Variants in MAGI3 observed in about 807,000 individuals in gnomAD.
MAGI3 encodes the protein membrane associated guanylate kinase, WW and PDZ domain containing 3.
In MAGI3, 43 loss-of-function variants were observed where a neutral mutation model predicts 121.8. The ratio of observed to expected loss-of-function variants is 0.35; its 90% CI spans 0.28 to 0.46. MAGI3 has a LOEUF of 0.46. MAGI3 is among the 20% of genes least tolerant of loss of function. MAGI3 has a pLI of 1.00. For synonymous variants in MAGI3, 553 were observed against 639.3 expected (o/e 0.86, Z 2.04); for missense variants, 1,547 against 1,797.3 (o/e 0.86, Z 2.52).
chr1:113,507,736 A>G (rs1049702039), intron 1 of MAGI3, among the ~76,000 whole-genome samples: 2 of 152,216 alleles, frequency 1.3e-5, no homozygotes, highest in African/African-American at 4.8e-5. Context: ...TGCTTAGTGA[A>G]TGTTTACTGA....
chr1:113,415,766 CTTT>C (rs942196152), intron 1 of MAGI3, among the ~76,000 whole-genome samples: 2 of 152,062 alleles, frequency 1.3e-5, no homozygotes, highest in African/African-American at 2.4e-5. Context: ...CTTTGTACTT[CTTT>C]TTAAGCTTCA....
chr1:113,432,853 C>T (rs1346055745), intron 1 of MAGI3, among the ~76,000 whole-genome samples: 3 of 152,020 alleles, frequency 2.0e-5, no homozygotes, highest in Non-Finnish European at 4.4e-5. Flanking sequence ...GTTTCTGTTG[C>T]TCCACATCCT....
intron 6 of MAGI3, among the ~76,000 whole-genome samples, chr1:113,601,798 A>C (rs1200934234): frequency 6.9e-6 from 1 of 144,584 alleles, no homozygotes; most frequent in East Asian, 2.0e-4. Flanking sequence ...CACTATTCAC[A>C]ATAGCAAAGA....
At chr1:113,469,594 A>T (rs1655448492) in intron 1 of MAGI3, among the ~76,000 whole-genome samples, 1 of 152,158 alleles carries the variant, frequency 6.6e-6, no homozygotes, top group African/African-American at 2.4e-5. Context: ...AAGTATAAAG[A>T]AAGTGTTGCC....
At chr1:113,606,241 A>G (rs1402417430) in intron 6 of MAGI3, among the ~76,000 whole-genome samples, 1 of 152,200 alleles carries the variant, frequency 6.6e-6, no homozygotes, top group Non-Finnish European at 1.5e-5. Flanking sequence ...TGCTGGGATT[A>G]CAAGTGTGAG....
At chr1:113,611,940 TTTA>T (rs1650171822) in intron 6 of MAGI3, among the ~76,000 whole-genome samples, 1 of 147,110 alleles carries the variant, frequency 6.8e-6, no homozygotes, top group African/African-American at 2.5e-5. Context: ...TCCCAACTTA[TTTA>T]TTTATTTATT....
intron 6 of MAGI3, among the ~76,000 whole-genome samples, chr1:113,608,592 C>T (rs867981608): frequency 4.6e-5 from 7 of 152,200 alleles, no homozygotes; most frequent in South Asian, 2.1e-4. Flanking sequence ...GACCAGAATA[C>T]GCCTCTGCAG....
At chr1:113,551,558 G>GT (rs1467780009) in intron 2 of MAGI3, among the ~76,000 whole-genome samples, 1 of 152,068 alleles carries the variant, frequency 6.6e-6, no homozygotes, top group Non-Finnish European at 1.5e-5. Flanking sequence ...GCTGCAGATT[G>GT]TAACTTCTGC....
chr1:113,582,450 T>G (rs1489115608), intron 3 of MAGI3, among the ~76,000 whole-genome samples: 1 of 115,696 alleles, frequency 8.6e-6, no homozygotes, highest in African/African-American at 3.4e-5. Flanking sequence ...CAGTTCAATG[T>G]ACTGGATTTA....
intron 1 of MAGI3, among the ~76,000 whole-genome samples, chr1:113,396,756 A>G (rs138315718): frequency 6.6e-6 from 1 of 152,214 alleles, no homozygotes; most frequent in African/African-American, 2.4e-5. Context: ...AGCACTGGCG[A>G]TATAAACATG....
At chr1:113,657,151 G>A (rs1196963804) in intron 15 of MAGI3, among the ~76,000 whole-genome samples, 1 of 152,214 alleles carries the variant, frequency 6.6e-6, no homozygotes, top group Non-Finnish European at 1.5e-5. Flanking sequence ...AAAGATGAAT[G>A]AAGATGGATA....
At chr1:113,565,574 G>A (rs991668302) in intron 2 of MAGI3, among the ~76,000 whole-genome samples, 3 of 152,170 alleles carry the variant, frequency 2.0e-5, no homozygotes, top group African/African-American at 7.2e-5. Context: ...TTATTGGATA[G>A]TATTCAAATA....
intron 1 of MAGI3, among the ~76,000 whole-genome samples, chr1:113,530,922 A>C (rs1263280073): frequency 1.3e-5 from 2 of 152,212 alleles, no homozygotes; most frequent in African/African-American, 4.8e-5. Flanking sequence ...TCTCAAAAAA[A>C]GAAAAGGAAA....
intron 1 of MAGI3, among the ~76,000 whole-genome samples, chr1:113,408,854 G>A (rs914480837): frequency 2.0e-4 from 30 of 152,110 alleles, no homozygotes; most frequent in African/African-American, 7.0e-4. Context: ...TTCCTTTAGA[G>A]ATTTTTCTAG....
chr1:113,524,336 G>A (rs893270048), intron 1 of MAGI3, among the ~76,000 whole-genome samples: 3 of 151,974 alleles, frequency 2.0e-5, no homozygotes, highest in Middle Eastern at 6.3e-3. Context: ...ACCCCAGAAT[G>A]GTAGATCCAC....
intron 6 of MAGI3, among the ~76,000 whole-genome samples, chr1:113,606,541 T>C (rs1649784242): frequency 6.6e-6 from 1 of 152,188 alleles, no homozygotes; most frequent in African/African-American, 2.4e-5. Flanking sequence ...CTCATAGCTT[T>C]ATCAGTTTAC....
At chr1:113,416,284 T>TATTGATTATGTAATTAATTATGTA (rs1652367310) in intron 1 of MAGI3, among the ~76,000 whole-genome samples, 1 of 27,864 alleles carries the variant, frequency 3.6e-5, no homozygotes, top group African/African-American at 2.1e-4. Context: ...TAATTACACA[T>TATTGATTATGTAATTAATTATGTA]ATTAATTATG....
chr1:113,441,234 A>G (rs1294202054), intron 1 of MAGI3, among the ~76,000 whole-genome samples: 1 of 152,108 alleles, frequency 6.6e-6, no homozygotes, highest in Non-Finnish European at 1.5e-5. Context: ...CAGTGAAAAC[A>G]AAGGGATCTG....
At position 113,677,444 on chromosome 1, in the gene MAGI3, G is replaced by T. The variant is rs191156860; in HGVS notation, c.3190-3754G>T. The stretch of plus-strand genomic sequence containing the variant: ...CCTGTGCAGGCCACAGTGTGACCCA[G>T]GTATGACCCTAGTCCGTCGTCCTCG... On this transcript the variant is annotated intron_variant, in intron 19 of 20. Transcript: ENST00000307546. 2.8e-3 allele frequency among the ~76,000 whole-genome samples: 428 copies of T among 152,300 alleles called. 1 individual carries two copies. The highest frequency in any genetic ancestry group is 8.9e-3 in the African/African-American group (372 of 41,572).
Sources: allele counts gnomAD v4.1 joint callset (sites outside exome capture counted in the v4.1 genomes callset), GRCh38; gene constraint gnomAD v4.1.1; transcripts MANE v1.5; gene names NCBI Gene and HGNC (gene_info 2026-07-23, HGNC 2026-07-21).